Variants in ENDOD1 observed in about 807,000 individuals in gnomAD.
The protein encoded by ENDOD1 is endonuclease domain containing 1, also known as endonuclease domain-containing 1 protein.
ENDOD1 carries 9 observed loss-of-function variants against 6.5 expected under a neutral mutation model. That is an observed-to-expected ratio of 1.39 (90% CI 0.84 to 2.43). ENDOD1 has a LOEUF of 2.43. ENDOD1 is among the 30% of genes most tolerant of loss of function. The pLI, the probability that ENDOD1 is intolerant of heterozygous loss-of-function variation, is 0.00. For synonymous variants in ENDOD1, 255 were observed against 255.2 expected (o/e 1.00, Z 0.01); for missense variants, 648 against 635.5 (o/e 1.02, Z -0.21).
chr11:95,091,346 A>G (rs1328335610), intron 1 of ENDOD1, among the ~76,000 whole-genome samples: 1 of 152,190 alleles, frequency 6.6e-6, no homozygotes, highest in Non-Finnish European at 1.5e-5. Flanking sequence ...AGATATTTCT[A>G]GCTCTGAGGT....
chr11:95,099,970 A>G (rs11021041), intron 1 of ENDOD1, among the ~76,000 whole-genome samples: 7,540 of 152,290 alleles, frequency 0.05, 255 homozygotes, highest in African/African-American at 0.092. Context: ...GGCATCCACT[A>G]TGTTCTCGGG....
intron 1 of ENDOD1, among the ~76,000 whole-genome samples, chr11:95,109,473 C>T (rs1162897385): frequency 6.6e-6 from 1 of 152,264 alleles, no homozygotes; most frequent in Non-Finnish European, 1.5e-5. Context: ...ATGCCAGTCA[C>T]TCCCTGGTGT....
intron 1 of ENDOD1, among the ~76,000 whole-genome samples, chr11:95,114,198 C>T (rs1361307553): frequency 6.6e-6 from 1 of 152,182 alleles, no homozygotes; most frequent in African/African-American, 2.4e-5. Context: ...CTCACTGCAG[C>T]CTCTACCTCC....
intron 1 of ENDOD1, among the ~76,000 whole-genome samples, chr11:95,119,422 A>G (rs1859241445): frequency 6.6e-6 from 1 of 152,268 alleles, no homozygotes; most frequent in African/African-American, 2.4e-5. Flanking sequence ...TCATAGTGGT[A>G]CCACTTTGAT....
intron 1 of ENDOD1, among the ~76,000 whole-genome samples, chr11:95,122,563 C>T (rs895049636): frequency 6.2e-5 from 9 of 146,108 alleles, no homozygotes; most frequent in Non-Finnish European, 1.0e-4. Flanking sequence ...AATACAGTTT[C>T]CTATAGATGA....
intron 1 of ENDOD1, among the ~76,000 whole-genome samples, chr11:95,116,140 C>T (rs903078709): frequency 6.6e-6 from 1 of 152,074 alleles, no homozygotes; most frequent in South Asian, 2.1e-4. Context: ...CACCGGGAGA[C>T]TTTTTTATTA....
chr11:95,118,448 G>A (rs187532361), intron 1 of ENDOD1, among the ~76,000 whole-genome samples: 46 of 142,934 alleles, frequency 3.2e-4, no homozygotes, highest in Middle Eastern at 3.4e-3. Flanking sequence ...TAGGGTAATA[G>A]TTTTTTTCGT....
rs1466351900 is a variant in ENDOD1, at chr11:95,131,413, A to C, written c.*1834A>C. On this transcript the variant is annotated 3_prime_UTR_variant, in exon 2 of 2. Transcript: ENST00000278505. ...AGTGACCAGAGGGACAGTCCAGCCA[A>C]ACTATTATTTGATAAGGAACCCAAG... The C allele has an allele frequency of 2.0e-5, 3 of 152,380 alleles. No individual in the cohort carries two copies. The highest frequency in any genetic ancestry group is 3.4e-3 in the Middle Eastern group (1 of 296). 9.4% of individuals were successfully genotyped at this position (152,380 alleles called of 1,614,324 possible).
intron 1 of ENDOD1, among the ~76,000 whole-genome samples, chr11:95,102,320 A>G (rs1555110965): frequency 6.6e-6 from 1 of 151,768 alleles, no homozygotes; most frequent in Non-Finnish European, 1.5e-5. Context: ...ATTAACCTCA[A>G]ATTATATTTA....
intron 1 of ENDOD1, among the ~76,000 whole-genome samples, chr11:95,123,280 T>G (rs1252438909): frequency 2.7e-5 from 3 of 112,096 alleles, no homozygotes; most frequent in Non-Finnish European, 5.3e-5. Context: ...TAATGTCCGG[T>G]TTTTTTTTTT....
At chr11:95,127,070 A>G (rs1859319058) in intron 1 of ENDOD1, among the ~76,000 whole-genome samples, 2 of 152,126 alleles carry the variant, frequency 1.3e-5, no homozygotes, top group South Asian at 2.1e-4. Context: ...AAAATGTGGG[A>G]TGGTTCCACT....
intron 1 of ENDOD1, among the ~76,000 whole-genome samples, chr11:95,126,494 A>G (rs1429167432): frequency 2.0e-5 from 3 of 152,246 alleles, no homozygotes; most frequent in African/African-American, 7.2e-5. Flanking sequence ...AGGAAAAAAT[A>G]TGACTTGCAT....
chr11:95,098,094 T>C (rs1418017127), intron 1 of ENDOD1, among the ~76,000 whole-genome samples: 1 of 152,092 alleles, frequency 6.6e-6, no homozygotes, highest in Non-Finnish European at 1.5e-5. Context: ...GTCATGTCAG[T>C]ACTCAAAAAG....
intron 1 of ENDOD1, among the ~76,000 whole-genome samples, chr11:95,122,396 T>C (rs560456883): frequency 6.8e-4 from 95 of 139,400 alleles, no homozygotes; most frequent in African/African-American, 2.5e-3. Flanking sequence ...CTTTTCTTTT[T>C]TTTTTTTTTG....
At chr11:95,123,358 T>C (rs899932060) in intron 1 of ENDOD1, among the ~76,000 whole-genome samples, 1 of 151,454 alleles carries the variant, frequency 6.6e-6, no homozygotes, top group Non-Finnish European at 1.5e-5. Context: ...AATACCTGCA[T>C]GAACAGACAA....
chr11:95,092,495 A>G (rs1258666649), intron 1 of ENDOD1, among the ~76,000 whole-genome samples: 4 of 152,154 alleles, frequency 2.6e-5, no homozygotes, highest in Non-Finnish European at 5.9e-5. Flanking sequence ...GGGAGGGTGG[A>G]AATAGTTACA....
At chr11:95,120,921 G>T (rs557275504) in intron 1 of ENDOD1, among the ~76,000 whole-genome samples, 2 of 152,290 alleles carry the variant, frequency 1.3e-5, no homozygotes, top group Non-Finnish European at 2.9e-5. Flanking sequence ...GCTGAGTTTG[G>T]TCCAGTTTTG....
At chr11:95,107,871 G>C (rs2134166647) in intron 1 of ENDOD1, among the ~76,000 whole-genome samples, 1 of 152,226 alleles carries the variant, frequency 6.6e-6, no homozygotes, top group South Asian at 2.1e-4. Context: ...TAGAGACCGT[G>C]TTAGCCAGGA....
chr11:95,100,875 T>TG (rs1555110791), intron 1 of ENDOD1, among the ~76,000 whole-genome samples: 3 of 147,442 alleles, frequency 2.0e-5, no homozygotes, highest in African/African-American at 7.5e-5. Flanking sequence ...GTTTTTTTTT[T>TG]TTTTTTTTTT....
Sources: gnomAD v4.1 joint callset for allele counts (sites outside exome capture counted in the v4.1 genomes callset) on GRCh38, gnomAD v4.1.1 for gene constraint, MANE v1.5 for transcripts, NCBI Gene and HGNC (gene_info 2026-07-23, HGNC 2026-07-21) for gene names.